DACH1: variants seen among roughly 807,000 people sequenced by gnomAD.
DACH1 encodes the protein dachshund homolog 1.
DACH1 carries 12 observed loss-of-function variants against 54.2 expected under a neutral mutation model. The ratio of observed to expected loss-of-function variants is 0.22; its 90% CI spans 0.14 to 0.36. DACH1 has a LOEUF of 0.36. Among genes scored for constraint, DACH1 ranks in the 10% least tolerant of loss-of-function variants. DACH1 has a pLI of 1.00. For synonymous variants in DACH1, 386 were observed against 366.2 expected (o/e 1.05, Z -0.62); for missense variants, 805 against 929.8 (o/e 0.87, Z 1.75).
At chr13:71,730,161 TG>T (rs1446396562) in intron 1 of DACH1, among the ~76,000 whole-genome samples, 2 of 151,986 alleles carry the variant, frequency 1.3e-5, no homozygotes, top group African/African-American at 4.8e-5. Context: ...GTAACTAACC[TG>T]CACATTGTGC....
At chr13:71,810,217 C>T (rs555008365) in intron 1 of DACH1, among the ~76,000 whole-genome samples, 1 of 152,016 alleles carries the variant, frequency 6.6e-6, no homozygotes, top group African/African-American at 2.4e-5. Context: ...AAAACGTTAT[C>T]ACTTAGAAAG....
intron 10 of DACH1, chr13:71,464,536 AAG>A (rs745385530): frequency 3.7e-5 from 15 of 408,740 alleles, no homozygotes; most frequent in South Asian, 7.3e-5. Flanking sequence ...AAATAAAACA[AAG>A]AGATTTTTTG....
chr13:71,813,465 T>C (rs542213375), intron 1 of DACH1, among the ~76,000 whole-genome samples: 1 of 152,268 alleles, frequency 6.6e-6, no homozygotes, highest in Admixed American at 6.5e-5. Context: ...ACATCTAGAC[T>C]TGCGTTATCA....
intron 6 of DACH1, among the ~76,000 whole-genome samples, chr13:71,505,132 G>T (rs1201314411): frequency 1.3e-5 from 2 of 152,050 alleles, no homozygotes; most frequent in East Asian, 3.9e-4. Context: ...CGCCAGGCTG[G>T]AGTGCAGTGG....
intron 1 of DACH1, among the ~76,000 whole-genome samples, chr13:71,769,512 T>A (rs1885767672): frequency 6.6e-6 from 1 of 151,718 alleles, no homozygotes; most frequent in South Asian, 2.1e-4. Flanking sequence ...TACATTGTTA[T>A]CAAGCACCTT....
chr13:71,735,040 G>C (rs1036514110), intron 1 of DACH1, among the ~76,000 whole-genome samples: 1 of 148,642 alleles, frequency 6.7e-6, no homozygotes, highest in Non-Finnish European at 1.5e-5. Context: ...TATATATATG[G>C]GATATACGTA....
chr13:71,520,983 C>T (rs1881558651), intron 6 of DACH1, among the ~76,000 whole-genome samples: 1 of 152,004 alleles, frequency 6.6e-6, no homozygotes, highest in Non-Finnish European at 1.5e-5. Context: ...AAGCTCTAAA[C>T]TCTACAGGTC....
intron 6 of DACH1, among the ~76,000 whole-genome samples, chr13:71,498,657 GAA>G (rs57093938): frequency 8.7e-5 from 2 of 23,072 alleles, no homozygotes; most frequent in African/African-American, 1.1e-4. Flanking sequence ...GGGGAAAGAA[GAA>G]AAAAAAAAAA....
At chr13:71,810,804 A>G (rs1187287700) in intron 1 of DACH1, among the ~76,000 whole-genome samples, 1 of 152,176 alleles carries the variant, frequency 6.6e-6, no homozygotes, top group Non-Finnish European at 1.5e-5. Context: ...TGTCAAAATA[A>G]ATGAACAAGT....
At chr13:71,844,699 C>T (rs559475638) in intron 1 of DACH1, among the ~76,000 whole-genome samples, 1 of 152,162 alleles carries the variant, frequency 6.6e-6, no homozygotes, top group Admixed American at 6.5e-5. Flanking sequence ...TCCATCACTT[C>T]CCCTATATAA....
chr13:71,536,543 G>C (rs1443315058), intron 6 of DACH1, among the ~76,000 whole-genome samples: 3 of 152,106 alleles, frequency 2.0e-5, no homozygotes, highest in African/African-American at 7.2e-5. Flanking sequence ...TGCCTTGATT[G>C]CATCTGTTGC....
Position 71,532,673 on chromosome 13 carries a change from C to T in DACH1, c.1570+24351G>A, listed in dbSNP as rs191842764. Among the ~76,000 whole-genome samples, 27 of 152,074 alleles carry T rather than the reference C, an allele frequency of 1.8e-4. 1 individual carries two copies. The East Asian group carries it at 5.0e-3, about 28-fold the overall frequency. On this transcript the variant is annotated intron_variant, in intron 6 of 10. Coordinates refer to ENST00000613252, the MANE Select transcript of DACH1 (RefSeq NM_080759.6). ...TAGGCTTTCAGCCAGTATACTTCAG[C>T]TCCCTTCCCCTTTAGGGAAATAGAT...
chr13:71,747,206 A>C (rs1320274881), intron 1 of DACH1, among the ~76,000 whole-genome samples: 1 of 152,116 alleles, frequency 6.6e-6, no homozygotes, highest in Non-Finnish European at 1.5e-5. Context: ...TTAATACTAG[A>C]TCATGTAATG....
intron 7 of DACH1, among the ~76,000 whole-genome samples, chr13:71,484,409 T>C (rs1394482318): frequency 6.6e-6 from 1 of 152,114 alleles, no homozygotes; most frequent in Non-Finnish European, 1.5e-5. Flanking sequence ...TCAAGTGGTC[T>C]TATTGCCTCA....
intron 1 of DACH1, among the ~76,000 whole-genome samples, chr13:71,802,076 A>G (rs904199428): frequency 6.6e-6 from 1 of 152,070 alleles, no homozygotes; most frequent in Non-Finnish European, 1.5e-5. Flanking sequence ...GGAAGTGCAC[A>G]AATTAGTGTT....
At chr13:71,757,690 A>T (rs1291387349) in intron 1 of DACH1, among the ~76,000 whole-genome samples, 1 of 151,876 alleles carries the variant, frequency 6.6e-6, no homozygotes, top group Non-Finnish European at 1.5e-5. Context: ...TGCCCAGCTA[A>T]TTTTTGTATT....
chr13:71,712,648 T>A (rs1390167466), intron 1 of DACH1, among the ~76,000 whole-genome samples: 1 of 152,158 alleles, frequency 6.6e-6, no homozygotes, highest in Non-Finnish European at 1.5e-5. Context: ...GCTGGCCTAT[T>A]ACATATCACA....
At chr13:71,799,906 T>A (rs1049543449) in intron 1 of DACH1, among the ~76,000 whole-genome samples, 1 of 152,278 alleles carries the variant, frequency 6.6e-6, no homozygotes. Context: ...GTGTCTTATA[T>A]GTGTGTACAC....
intron 6 of DACH1, among the ~76,000 whole-genome samples, chr13:71,506,682 A>G (rs1337463655): frequency 6.6e-6 from 1 of 152,176 alleles, no homozygotes; most frequent in Non-Finnish European, 1.5e-5. Flanking sequence ...TAACCAAAGC[A>G]GCATGGTACT....
Sources: allele counts gnomAD v4.1 joint callset (sites outside exome capture counted in the v4.1 genomes callset), GRCh38; gene constraint gnomAD v4.1.1; transcripts MANE v1.5; gene names NCBI Gene and HGNC (gene_info 2026-07-23, HGNC 2026-07-21).